Variants in TNFAIP3 observed in about 807,000 individuals in gnomAD.
TNFAIP3 encodes TNF alpha induced protein 3.
Under a neutral mutation model 72.4 loss-of-function variants are expected in TNFAIP3, and 9 were observed. That is an observed-to-expected ratio of 0.12 (90% CI 0.07 to 0.22). The LOEUF is 0.22. Ranked by LOEUF, TNFAIP3 falls within the 10% of genes least tolerant of loss-of-function variation. The pLI is 1.00. For missense variants in TNFAIP3, 833 were observed against 1,018.7 expected (o/e 0.82, Z 2.48); for synonymous variants, 339 against 372.6 (o/e 0.91, Z 1.04).
chr6:137,880,869 G>A (rs929773147), intron 8 of TNFAIP3, among the ~76,000 whole-genome samples, 166 bp from the exon 9 acceptor site: 29 of 152,128 alleles, frequency 1.9e-4, no homozygotes, highest in African/African-American at 6.8e-4. Context: ...AACATCCTTC[G>A]AGAGCTCTGG....
intron 1 of TNFAIP3, among the ~76,000 whole-genome samples, chr6:137,870,912 G>A (rs75770573): frequency 1.3e-5 from 2 of 152,282 alleles, no homozygotes; most frequent in East Asian, 3.9e-4. Context: ...TGACAGACAG[G>A]GTTGGCTCCC....
chr6:137,882,795 G>A lies in TNFAIP3; in HGVS notation c.*1476G>A, dbSNP rs1776505898. 4.3e-6 allele frequency: 1 copy of A among 231,126 alleles called. No individual in the cohort carries two copies. The highest frequency in any genetic ancestry group is 8.6e-6 in the Non-Finnish European group (1 of 116,784). 14.3% of individuals were successfully genotyped at this position (231,126 alleles called of 1,614,324 possible). ...AAAAGCCAGTAACCATGAGTATGAG[G>A]AAATCTCTTTCTGTTGCTGGCTTAC... On this transcript the variant is annotated 3_prime_UTR_variant, in exon 9 of 9. Transcript: ENST00000612899.
Position 137,875,696 on chromosome 6 carries a change from T to C in TNFAIP3, c.495T>C (p.Asn165=). The C allele has an allele frequency of 1.2e-6, 2 of 1,614,160 alleles. No individual in the cohort carries two copies. Among genetic ancestry groups the C allele is most frequent in the Non-Finnish European group, 1.7e-6 (2 of 1,180,010 alleles). ...TGLCYDTRNW[N]DEWDNLIKMA... ...CACCCCGCTCCCCTTAGAACTGGAA[T>C]GATGAATGGGACAATCTTATCAAAA... Residue 165 remains asparagine (N), a synonymous_variant, in exon 4 of 9, where the codon AAT becomes AAC. Transcript: ENST00000612899.
intron 2 of TNFAIP3, among the ~76,000 whole-genome samples, chr6:137,873,500 A>G (rs1776130254): frequency 6.6e-6 from 1 of 152,252 alleles, no homozygotes; most frequent in South Asian, 2.1e-4. Flanking sequence ...AAATGTCTAC[A>G]CACCAGAACA....
intron 8 of TNFAIP3, 99 bp downstream of exon 8, chr6:137,880,351 C>A: frequency 7.9e-7 from 1 of 1,264,544 alleles, no homozygotes; most frequent in South Asian, 1.3e-5. Flanking sequence ...TCCTCTCTGC[C>A]AGGTTCTGTC....
chr6:137,875,091 C>G lies in TNFAIP3; in HGVS notation c.486+56C>G, dbSNP rs1052347148. ...AGAGCTCCATGGTGGGCATAGGGTA[C>G]CCCTGGGCGAGTCCCTGCCCTCTGG... On this transcript the variant is annotated intron_variant, in intron 3 of 8. Coordinates refer to ENST00000612899, the MANE Select transcript of TNFAIP3 (RefSeq NM_001270508.2). 3.1e-6 allele frequency: 5 copies of G among 1,596,654 alleles called. No individual in the cohort carries two copies. In the African/African-American group the frequency reaches 6.7e-5, roughly 21 times the overall value.
chr6:137,878,071 T>A (rs901223155), intron 6 of TNFAIP3, among the ~76,000 whole-genome samples: 9 of 152,228 alleles, frequency 5.9e-5, no homozygotes, highest in African/African-American at 2.2e-4. Flanking sequence ...TCAGTAATAT[T>A]TTACTCAGAA....
At position 137,868,699 on chromosome 6, in the gene TNFAIP3, T is replaced by TAAA. The variant is rs5880363; in HGVS notation, c.-16+1167_-16+1169dup. 6.3e-3 allele frequency among the ~76,000 whole-genome samples: 941 copies of TAAA among 148,670 alleles called. 5 individuals carry two copies. Among genetic ancestry groups the TAAA allele is most frequent in the African/African-American group, 0.019 (771 of 40,426 alleles). On this transcript the variant is annotated intron_variant, in intron 1 of 8. Coordinates refer to ENST00000612899, the MANE Select transcript of TNFAIP3 (RefSeq NM_001270508.2). Reference sequence around the variant, plus strand: ...AATAAGACAGTGAGGTAACAAATGTTAAAAAAAAAAAAGTTAAGGGTAATA... The same window carrying TAAA: ...AATAAGACAGTGAGGTAACAAATGTTAAAAAAAAAAAAAAAGTTAAGGGTAATA...
Position 137,879,243 on chromosome 6 carries a change from G to A in TNFAIP3, c.1798G>A (p.Asp600Asn), listed in dbSNP as rs759454764. The A allele has an allele frequency of 1.2e-6, 2 of 1,614,210 alleles. No individual in the cohort carries two copies. The highest frequency in any genetic ancestry group is 1.7e-6 in the Non-Finnish European group (2 of 1,180,034). ...CLSQAARTPG[D>N]RTGTSKCRKA... ...GTCTCAAGCTGCACGGACTCCTGGG[G>A]ACAGGACGGGGACGAGCAAGTGCAG... is the stretch of plus-strand genomic sequence containing the variant. The change falls in exon 7 of 9, where the codon GAC becomes AAC. Residue 600 changes from aspartate to asparagine, a missense_variant. Around this residue, in one of 2 missense-constraint regions of TNFAIP3, gnomAD observed 587 missense variants for 657.8 expected, o/e 0.89. Coordinates refer to ENST00000612899, the MANE Select transcript of TNFAIP3 (RefSeq NM_001270508.2).
intron 6 of TNFAIP3, among the ~76,000 whole-genome samples, 154 bp downstream of exon 6, chr6:137,877,410 G>T (rs1429188747): frequency 1.3e-5 from 2 of 152,198 alleles, no homozygotes; most frequent in Non-Finnish European, 2.9e-5. Flanking sequence ...TGCATGGTTA[G>T]AGAGGATTAT....
In TNFAIP3 at chr6:137,881,139, G is replaced by C. The variant is rs566459368; in HGVS notation, c.2193G>C (p.Glu731Asp). The change falls in exon 9 of 9, where the codon GAG (glutamate) becomes GAC (aspartate). Residue 731 changes from glutamate to aspartate, a missense_variant. This residue lies in a region of TNFAIP3 where 587 missense variants were observed against 657.8 expected (regional missense o/e 0.89). Coordinates refer to ENST00000612899, the MANE Select transcript of TNFAIP3 (RefSeq NM_001270508.2). This position sits in a 1 kb window ranked among gnomAD's most constrained non-coding sequence, Gnocchi z 5.0. ...CKNILACRSE[E>D]LCMECQHPNQ... ...ACATCCTGGCCTGCCGCAGCGAGGAGCTCTGCATGGAGTGTCAGCATCCCA... is the reference window on the plus strand; with the variant it reads ...ACATCCTGGCCTGCCGCAGCGAGGACCTCTGCATGGAGTGTCAGCATCCCA... The C allele has an allele frequency of 6.2e-7, 1 of 1,613,922 alleles. No individual in the cohort carries two copies. The highest frequency in any genetic ancestry group is 1.3e-5 in the African/African-American group (1 of 75,006).
rs777456133 is a variant in TNFAIP3, at chr6:137,876,112, G to A, written c.751G>A (p.Gly251Ser). ...QECYRYPIVL[G>S]YDSHHFVPLV... Reference sequence around the variant, plus strand: ...ATGCTACAGATACCCCATTGTTCTCGGCTATGACAGCCATCATTTTGTACC... The same window carrying A: ...ATGCTACAGATACCCCATTGTTCTCAGCTATGACAGCCATCATTTTGTACC... The change falls in exon 5 of 9, where the codon GGC (glycine) becomes AGC (serine). Residue 251 changes from glycine (G) to serine (S), a missense_variant. Physicochemically the swap from Gly to Ser is moderately conservative, Grantham distance 56. This residue lies in a region of TNFAIP3 where 246 missense variants were observed against 360.9 expected (regional missense o/e 0.68). Transcript: ENST00000612899. 13 of 1,614,094 alleles carry A rather than the reference G, an allele frequency of 8.1e-6. No homozygotes were observed. Among genetic ancestry groups the A allele is most frequent in the Admixed American group, 1.7e-5 (1 of 60,014 alleles).
Position 137,875,808 on chromosome 6 carries a change from C to T in TNFAIP3, c.607C>T (p.Leu203Phe), listed in dbSNP as rs1438336177. Residue 203 changes from leucine to phenylalanine, a missense_variant, in exon 4 of 9, where the codon CTC (leucine) becomes TTC (phenylalanine). Physicochemically the swap from Leu to Phe is conservative, Grantham distance 22. Transcript: ENST00000612899. ...EIHIFVLCNI[L>F]RRPIIVISDK... ...ACACATATTTGTCCTTTGCAACATC[C>T]TCAGAAGGCCAATCATTGTCATTTC... The T allele has an allele frequency of 1.9e-6, 3 of 1,614,040 alleles. No homozygotes were observed. The highest frequency in any genetic ancestry group is 1.7e-6 in the Non-Finnish European group (2 of 1,180,046).
chr6:137,877,026 G>A (rs370155900), intron 5 of TNFAIP3, 50 bp from the exon 6 acceptor site: 1 of 1,357,494 alleles, frequency 7.4e-7, no homozygotes, highest in African/African-American at 1.5e-5. Context: ...CTTACCTATG[G>A]CCTTGTTTAG....
rs200740561 is a variant in TNFAIP3, at chr6:137,874,955, C to T, written c.406C>T (p.Arg136Cys). The T allele has an allele frequency of 5.3e-5, 86 of 1,614,210 alleles. No homozygotes were observed. In the South Asian group the frequency reaches 5.8e-4, roughly 11 times the overall value. Reference sequence around the variant, plus strand: ...CAGCACGCTCAAGGAAACAGACACACGCAACTTTAAATTCCGCTGGCAACT... The same window carrying T: ...CAGCACGCTCAAGGAAACAGACACATGCAACTTTAAATTCCGCTGGCAACT... ...LFSTLKETDTRNFKFRWQLES... is the reference protein window; with the variant it reads ...LFSTLKETDTCNFKFRWQLES... Residue 136 changes from arginine to cysteine, a missense_variant, in exon 3 of 9, where the codon CGC (arginine) becomes TGC (cysteine). Coordinates refer to ENST00000612899, the MANE Select transcript of TNFAIP3 (RefSeq NM_001270508.2).
At chr6:137,876,322 C>A (rs1382177366) in intron 5 of TNFAIP3, 156 bp downstream of exon 5, 2 of 659,458 alleles carry the variant, frequency 3.0e-6, no homozygotes, top group Middle Eastern at 4.1e-4. Context: ...AATGCAGTAG[C>A]AGTAATCATA....
In TNFAIP3 at chr6:137,871,484, G is replaced by A. The variant is rs772126065; in HGVS notation, c.257G>A (p.Cys86Tyr). 5 of 1,614,062 alleles carry A rather than the reference G, an allele frequency of 3.1e-6. No individual in the cohort carries two copies. Among genetic ancestry groups the A allele is most frequent in the South Asian group, 2.2e-5 (2 of 91,086 alleles). The change falls in exon 2 of 9, where the codon TGT becomes TAT. Residue 86 changes from cysteine to tyrosine, a missense_variant. Cys to Tyr is a radical substitution (Grantham distance 194). Around this residue, in one of 2 missense-constraint regions of TNFAIP3, gnomAD observed 246 missense variants for 360.9 expected, o/e 0.68. Transcript: ENST00000612899. The surrounding 1 kb of genome is among the most constrained non-coding windows in gnomAD (Gnocchi z 4.2). ...GAAAGCCAGAAGAAACTCAACTGGTGTCGAGAAGTCCGGAAGCTTGTGGCG... is the reference window on the plus strand; with the variant it reads ...GAAAGCCAGAAGAAACTCAACTGGTATCGAGAAGTCCGGAAGCTTGTGGCG... The part of the protein sequence containing the change: ...TLESQKKLNW[C>Y]REVRKLVALK...
At position 137,881,085 on chromosome 6, in the gene TNFAIP3, G is replaced by T; in HGVS notation, c.2139G>T (p.Arg713Ser). The T allele has an allele frequency of 6.2e-7, 1 of 1,613,796 alleles. No homozygotes were observed. The highest frequency in any genetic ancestry group is 8.5e-7 in the Non-Finnish European group (1 of 1,179,954). ...DVPRTTQSTS[R>S]PKCARASCKN... ...CTCGAACCACACAAAGCACCTCAAG[G>T]CCCAAGTGCGCCCGGGCCTCCTGCA... The change falls in exon 9 of 9, where the codon AGG becomes AGT. Residue 713 changes from arginine (R) to serine (S), a missense_variant. By Grantham distance (110) the Arg-to-Ser change is moderately radical. This residue lies in a region of TNFAIP3 where 587 missense variants were observed against 657.8 expected (regional missense o/e 0.89). Coordinates refer to ENST00000612899, the MANE Select transcript of TNFAIP3 (RefSeq NM_001270508.2). This position sits in a 1 kb window ranked among gnomAD's most constrained non-coding sequence, Gnocchi z 5.0.
intron 1 of TNFAIP3, chr6:137,868,375 G>A (rs1007179088): frequency 6.6e-6 from 1 of 152,362 alleles, no homozygotes; most frequent in Non-Finnish European, 1.5e-5. Context: ...GTTAATTAAA[G>A]GGACTTCTGG....
Sources: allele counts gnomAD v4.1 joint callset (sites outside exome capture counted in the v4.1 genomes callset), GRCh38; gene constraint gnomAD v4.1.1; regional missense constraint gnomAD v4.1.1; non-coding constraint Gnocchi (gnomAD v3.1); transcripts MANE v1.5; gene names NCBI Gene and HGNC (gene_info 2026-07-23, HGNC 2026-07-21).